Variants in CFDP1 observed in about 807,000 individuals in gnomAD.
CFDP1 encodes chromatin remodeling protein CFDP1.
In CFDP1, 31 loss-of-function variants were observed where a neutral mutation model predicts 40.1. That is an observed-to-expected ratio of 0.77 (90% confidence interval 0.58 to 1.04). The LOEUF (loss-of-function observed/expected upper bound fraction) is 1.04. Ranked by LOEUF, CFDP1 falls within the 50% of genes least tolerant of loss-of-function variation. The pLI is 0.00. For synonymous variants in CFDP1, 167 were observed against 120.0 expected (o/e 1.39, Z -2.56); for missense variants, 423 against 343.4 (o/e 1.23, Z -1.83).
At chr16:75,326,189 T>C (rs1009699232) in intron 5 of CFDP1, among the ~76,000 whole-genome samples, 4 of 152,222 alleles carry the variant, frequency 2.6e-5, no homozygotes, top group Non-Finnish European at 4.4e-5. Flanking sequence ...GAAAGACTTT[T>C]GTGTGCCAAA....
chr16:75,388,299 T>C (rs1212842547), intron 5 of CFDP1, among the ~76,000 whole-genome samples: 1 of 152,228 alleles, frequency 6.6e-6, no homozygotes, highest in Non-Finnish European at 1.5e-5. Flanking sequence ...AGCCAATAAA[T>C]AGACATTATT....
chr16:75,414,732 A>C (rs2079190325), intron 1 of CFDP1, 37 bp from the exon 2 acceptor site: 1 of 1,322,420 alleles, frequency 7.6e-7, no homozygotes, highest in Non-Finnish European at 1.1e-6. Flanking sequence ...ACAGGAATAA[A>C]GGTTTTCACA....
At chr16:75,403,479 A>G (rs1418999585) in intron 4 of CFDP1, among the ~76,000 whole-genome samples, 1 of 152,186 alleles carries the variant, frequency 6.6e-6, no homozygotes, top group Non-Finnish European at 1.5e-5. Flanking sequence ...TCAGCCTCCC[A>G]AAGTGCCGGG....
intron 5 of CFDP1, among the ~76,000 whole-genome samples, chr16:75,354,495 A>T (rs1035756472): frequency 2.6e-4 from 40 of 152,198 alleles, no homozygotes; most frequent in African/African-American, 8.9e-4. Flanking sequence ...TGTTAAAAAA[A>T]AAATCCAAGA....
At chr16:75,374,298 C>G (rs548963164) in intron 5 of CFDP1, among the ~76,000 whole-genome samples, 15 of 151,746 alleles carry the variant, frequency 9.9e-5, no homozygotes, top group African/African-American at 3.4e-4. Flanking sequence ...TAGCCATTAA[C>G]AAGAATCAGA....
At chr16:75,318,296 C>A (rs2078337958) in intron 5 of CFDP1, among the ~76,000 whole-genome samples, 2 of 152,224 alleles carry the variant, frequency 1.3e-5, no homozygotes, top group South Asian at 4.2e-4. Flanking sequence ...GCAAATAGCA[C>A]ATCTCGCCAA....
chr16:75,351,368 T>G (rs1178837254), intron 5 of CFDP1, among the ~76,000 whole-genome samples: 1 of 152,214 alleles, frequency 6.6e-6, no homozygotes, highest in Non-Finnish European at 1.5e-5. Context: ...AAGCAGGGCT[T>G]CCAGATTAGA....
At chr16:75,392,523 G>A (rs1453266749) in intron 5 of CFDP1, among the ~76,000 whole-genome samples, 3 of 152,136 alleles carry the variant, frequency 2.0e-5, no homozygotes, top group South Asian at 2.1e-4. Flanking sequence ...TTTGAGACAA[G>A]GTCTCCCTCT....
At position 75,431,035 on chromosome 16, in the gene CFDP1, G is replaced by A. The variant is rs191984845; in HGVS notation, c.64+2254C>T. On this transcript the variant is annotated intron_variant, in intron 1 of 6. Coordinates refer to ENST00000283882, the MANE Select transcript of CFDP1 (RefSeq NM_006324.3). ...TTTACAGCAGTTAAGTACATAGACA[G>A]CTAAGTAGCAACAAAAAATGGCAAT... 1.2e-4 allele frequency among the ~76,000 whole-genome samples: 19 copies of A among 152,170 alleles called. No individual in the cohort carries two copies. The East Asian group carries it at 2.9e-3, about 23-fold the overall frequency.
intron 5 of CFDP1, among the ~76,000 whole-genome samples, chr16:75,341,722 T>C (rs1415152088): frequency 2.6e-5 from 4 of 152,092 alleles, no homozygotes; most frequent in South Asian, 2.1e-4. Flanking sequence ...AGCCATAGCA[T>C]TTCTGGGGGA....
intron 5 of CFDP1, among the ~76,000 whole-genome samples, chr16:75,345,687 G>A (rs1482718785): frequency 1.3e-5 from 2 of 152,222 alleles, no homozygotes; most frequent in Middle Eastern, 3.4e-3. Context: ...AGAGAGTTTG[G>A]TAATAAGAGA....
At chr16:75,433,208 G>A in intron 1 of CFDP1, 81 bp downstream of exon 1, 3 of 1,391,654 alleles carry the variant, frequency 2.2e-6, no homozygotes, top group Non-Finnish European at 3.0e-6. Context: ...CCACAGGGCA[G>A]ACGCCCGCGG....
At chr16:75,388,014 CA>C (rs894791688) in intron 5 of CFDP1, among the ~76,000 whole-genome samples, 4 of 152,200 alleles carry the variant, frequency 2.6e-5, no homozygotes, top group South Asian at 4.2e-4. Flanking sequence ...ACTCTTTTAA[CA>C]AAAAAACATC....
At chr16:75,298,323 G>A (rs1304463299) in intron 6 of CFDP1, among the ~76,000 whole-genome samples, 2 of 152,172 alleles carry the variant, frequency 1.3e-5, no homozygotes, top group African/African-American at 4.8e-5. Flanking sequence ...GGCCTTTGAG[G>A]GTGGTAAGGC....
chr16:75,308,979 C>A (rs1405990786), intron 5 of CFDP1, among the ~76,000 whole-genome samples: 1 of 152,234 alleles, frequency 6.6e-6, no homozygotes, highest in East Asian at 1.9e-4. Context: ...TCTCCTTTCA[C>A]TGGGTCATTA....
intron 5 of CFDP1, among the ~76,000 whole-genome samples, chr16:75,364,361 T>C (rs566961404): frequency 2.0e-5 from 3 of 152,318 alleles, no homozygotes; most frequent in East Asian, 3.9e-4. Flanking sequence ...TGCCTGAGTA[T>C]CCTTCCAGAG....
intron 6 of CFDP1, among the ~76,000 whole-genome samples, chr16:75,294,286 A>G (rs1363492494): frequency 6.6e-6 from 1 of 152,190 alleles, no homozygotes; most frequent in African/African-American, 2.4e-5. Context: ...AAGATGTTGC[A>G]ATTTTCTAAC....
intron 5 of CFDP1, among the ~76,000 whole-genome samples, chr16:75,364,331 A>C (rs556558938): frequency 6.6e-6 from 1 of 152,188 alleles, no homozygotes; most frequent in Non-Finnish European, 1.5e-5. Flanking sequence ...CCTTTCCCCA[A>C]GACCAACACT....
intron 5 of CFDP1, chr16:75,372,071 A>G (rs1211909611): frequency 6.6e-6 from 1 of 152,234 alleles, no homozygotes; most frequent in African/African-American, 2.4e-5. Context: ...AAGTAAAACT[A>G]TTATTTGCAC....
Sources: allele counts gnomAD v4.1 joint callset (sites outside exome capture counted in the v4.1 genomes callset), GRCh38; gene constraint gnomAD v4.1.1; transcripts MANE v1.5; gene names NCBI Gene and HGNC (gene_info 2026-07-23, HGNC 2026-07-21).